The following PHAF1 variants were observed in gnomAD, a reference collection of about 807,000 sequenced individuals.
PHAF1 encodes phagophore assembly factor 1, also known as phagosome assembly factor 1.
In PHAF1, 23 loss-of-function variants were observed where a neutral mutation model predicts 63.1. The ratio of observed to expected loss-of-function variants is 0.36; its 90% CI spans 0.26 to 0.52. The LOEUF is 0.52. PHAF1 is among the 20% of genes least tolerant of loss of function. The pLI is 0.93. For synonymous variants in PHAF1, 167 were observed against 185.0 expected (o/e 0.90, Z 0.79); for missense variants, 427 against 517.2 (o/e 0.83, Z 1.69).
At chr16:67,134,763 G>GT (rs1567649633) in intron 8 of PHAF1, 1 of 512,366 alleles carries the variant, frequency 2.0e-6, no homozygotes, top group East Asian at 5.4e-5. Flanking sequence ...CCTGGAGTCT[G>GT]TTTTTTAACG....
chr16:67,117,766 CA>C (rs111415619), intron 1 of PHAF1, among the ~76,000 whole-genome samples: 3,172 of 120,838 alleles, frequency 0.026, 94 homozygotes, highest in African/African-American at 0.081. Context: ...GACTGCGTCT[CA>C]AAAAAAAAAA....
intron 6 of PHAF1, 38 bp downstream of exon 6, chr16:67,132,949 T>A (rs1963463972): frequency 6.7e-6 from 10 of 1,496,510 alleles, no homozygotes; most frequent in African/African-American, 5.5e-5. Flanking sequence ...GTTGTATGTG[T>A]CTGTGGTATG....
intron 12 of PHAF1, 38 bp from the exon 13 acceptor site, chr16:67,145,338 G>A: frequency 6.2e-7 from 1 of 1,612,338 alleles, no homozygotes; most frequent in Non-Finnish European, 8.5e-7. Context: ...GGTAGGCTGG[G>A]CCAGCTACAA....
intron 4 of PHAF1, 152 bp from the exon 5 acceptor site, chr16:67,132,294 T>C: frequency 1.5e-6 from 1 of 677,100 alleles, no homozygotes; most frequent in Non-Finnish European, 2.5e-6. Flanking sequence ...TTAATGCTCT[T>C]ATTTAAAAGT....
At chr16:67,128,783 C>T (rs2145853175) in intron 3 of PHAF1, among the ~76,000 whole-genome samples, 1 of 152,322 alleles carries the variant, frequency 6.6e-6, no homozygotes, top group Admixed American at 6.5e-5. Flanking sequence ...CCAGGATGGC[C>T]AGCACTCTGG....
intron 8 of PHAF1, among the ~76,000 whole-genome samples, chr16:67,138,621 ATTTGTGTG>A (rs1185351781): frequency 6.6e-6 from 1 of 151,872 alleles, no homozygotes; most frequent in Non-Finnish European, 1.5e-5. Context: ...CCACTTCTAC[ATTTGTGTG>A]TTTGTGTGTG....
At chr16:67,136,502 C>T (rs951993006) in intron 8 of PHAF1, among the ~76,000 whole-genome samples, 5 of 149,322 alleles carry the variant, frequency 3.3e-5, no homozygotes, top group African/African-American at 1.2e-4. Flanking sequence ...ATTGCCTAAC[C>T]AGCATTTATT....
chr16:67,146,385 G>T, intron 15 of PHAF1, 35 bp downstream of exon 15: 7 of 1,592,512 alleles, frequency 4.4e-6, no homozygotes, highest in Non-Finnish European at 6.0e-6. Flanking sequence ...AAACTGCCTG[G>T]GGGGTTGCTG....
intron 1 of PHAF1, among the ~76,000 whole-genome samples, chr16:67,115,205 C>CA (rs1962690042): frequency 6.6e-6 from 1 of 152,178 alleles, no homozygotes; most frequent in Admixed American, 6.5e-5. Flanking sequence ...GTGCCAGGCA[C>CA]AGTGATTGGG....
At chr16:67,118,123 ATTTTTTTTTTTTT>A (rs772394136) in intron 1 of PHAF1, among the ~76,000 whole-genome samples, 2 of 120,950 alleles carry the variant, frequency 1.7e-5, no homozygotes, top group Admixed American at 9.5e-5. Context: ...CGCCCGGCTA[ATTTTTTTTTTTTT>A]TTTTTTTTTT....
chr16:67,113,033 T>TA (rs1303351903), intron 1 of PHAF1, among the ~76,000 whole-genome samples: 1 of 152,198 alleles, frequency 6.6e-6, no homozygotes, highest in African/African-American at 2.4e-5. Context: ...AGGAAGAACT[T>TA]ACCTCTTGCC....
rs1742037111 is a variant in PHAF1, at chr16:67,134,227, A to C, written c.510A>C (p.Arg170=). 1 of 1,614,098 alleles carries C rather than the reference A, an allele frequency of 6.2e-7. No homozygotes were observed. Among genetic ancestry groups the C allele is most frequent in the African/African-American group, 1.3e-5 (1 of 74,948 alleles). The change falls in exon 7 of 16, where the codon CGA becomes CGC. Residue 170 remains arginine (R), a synonymous_variant. Transcript: ENST00000219139. ...TACCCCATGGAGCAACTGTAAAACG[A>C]ATGTACATCTACAGTGGCAACAGCC... The part of the protein sequence containing the change: ...LQIPHGATVK[R]MYIYSGNSLQ...
chr16:67,134,520 C>A, intron 8 of PHAF1, 53 bp downstream of exon 8: 1 of 1,447,486 alleles, frequency 6.9e-7, no homozygotes, highest in Non-Finnish European at 9.7e-7. Flanking sequence ...CATGTTGAGA[C>A]AGTCTAAAAT....
intron 8 of PHAF1, chr16:67,134,961 T>C: frequency 3.0e-6 from 1 of 329,934 alleles, no homozygotes; most frequent in Non-Finnish European, 6.0e-6. Context: ...TTAAAGCTTT[T>C]GTTTAGTTTT....
chr16:67,113,681 C>T (rs1267934001), intron 1 of PHAF1, among the ~76,000 whole-genome samples: 5 of 151,264 alleles, frequency 3.3e-5, no homozygotes, highest in Non-Finnish European at 4.4e-5. Context: ...GATCTCCTGA[C>T]GTCGTGATCC....
At chr16:67,143,112 G>A (rs1963870833) in intron 10 of PHAF1, among the ~76,000 whole-genome samples, 1 of 152,198 alleles carries the variant, frequency 6.6e-6, no homozygotes, top group Non-Finnish European at 1.5e-5. Context: ...CCAGGTCCAA[G>A]TCCTAGAGAG....
At chr16:67,115,485 T>C (rs1193541059) in intron 1 of PHAF1, among the ~76,000 whole-genome samples, 5 of 152,258 alleles carry the variant, frequency 3.3e-5, no homozygotes, top group East Asian at 1.9e-4. Context: ...GGAAAGAAGA[T>C]ATAGATGGGT....
At chr16:67,111,519 T>C (rs1259113118) in intron 1 of PHAF1, among the ~76,000 whole-genome samples, 1 of 152,250 alleles carries the variant, frequency 6.6e-6, no homozygotes, top group Non-Finnish European at 1.5e-5. Flanking sequence ...CTTATGTCTG[T>C]GGAGACAGTG....
chr16:67,117,938 A>G (rs1054664361), intron 1 of PHAF1, among the ~76,000 whole-genome samples: 6 of 147,082 alleles, frequency 4.1e-5, no homozygotes, highest in Non-Finnish European at 7.5e-5. Flanking sequence ...ACAGGGGCAC[A>G]CCATCATGCC....
Sources: gnomAD v4.1 joint callset for allele counts (sites outside exome capture counted in the v4.1 genomes callset) on GRCh38, gnomAD v4.1.1 for gene constraint, MANE v1.5 for transcripts, NCBI Gene and HGNC (gene_info 2026-07-23, HGNC 2026-07-21) for gene names.